Variants in ESCO2 observed in about 807,000 individuals in gnomAD.
ESCO2 encodes establishment of sister chromatid cohesion N-acetyltransferase 2.
Under a neutral mutation model 61.7 loss-of-function variants are expected in ESCO2, and 51 were observed. The ratio of observed to expected loss-of-function variants is 0.83; its 90% CI spans 0.66 to 1.04. ESCO2 has a LOEUF of 1.04. ESCO2 is among the 50% of genes least tolerant of loss of function. The probability of loss-of-function intolerance (pLI) is 0.00; values close to 1 mark genes in which losing one functional copy is unlikely to be tolerated. For synonymous variants in ESCO2, 230 were observed against 238.2 expected (o/e 0.97, Z 0.32); for missense variants, 692 against 686.2 (o/e 1.01, Z -0.09).
intron 5 of ESCO2, among the ~76,000 whole-genome samples, chr8:27,784,584 G>A (rs1318437418): frequency 6.6e-6 from 1 of 152,148 alleles, no homozygotes; most frequent in African/African-American, 2.4e-5. Flanking sequence ...CCATGTTGTA[G>A]ATGAGAAAGC....
At position 27,799,698 on chromosome 8, in the gene ESCO2, G is replaced by T. The variant is rs538075513; in HGVS notation, c.1655G>T (p.Arg552Leu). Residue 552 changes from arginine (R) to leucine (L), a missense_variant, in exon 10 of 11, where the codon CGA (arginine) becomes CTA (leucine). Arg to Leu is a moderately radical substitution (Grantham distance 102). Transcript: ENST00000305188. ...RLKRRKRIARRLVDTLRNCFM... is the reference protein window; with the variant it reads ...RLKRRKRIARLLVDTLRNCFM... ...AAGAGAAGAAAGCGCATTGCAAGACGACTGGTTGATACCCTCAGGTAAGAA... is the reference window on the plus strand; with the variant it reads ...AAGAGAAGAAAGCGCATTGCAAGACTACTGGTTGATACCCTCAGGTAAGAA... 1 of 1,613,640 alleles carries T rather than the reference G, an allele frequency of 6.2e-7. No individual in the cohort carries two copies. The highest frequency in any genetic ancestry group is 8.5e-7 in the Non-Finnish European group (1 of 1,179,996).
chr8:27,788,923 A>T lies in ESCO2; in HGVS notation c.1208A>T (p.Asp403Val), dbSNP rs373708669. Reference protein sequence around the residue: ...GMIYTASNPEDEMQHVQHHHR... With the variant: ...GMIYTASNPEVEMQHVQHHHR... ...ATATATACTGCTTCCAACCCTGAAGATGAAATGCAGCATGTACAGCATCAC... is the reference window on the plus strand; with the variant it reads ...ATATATACTGCTTCCAACCCTGAAGTTGAAATGCAGCATGTACAGCATCAC... The change falls in exon 7 of 11, where the codon GAT becomes GTT. Residue 403 changes from aspartate to valine, a missense_variant. Transcript: ENST00000305188. 1.9e-6 allele frequency: 3 copies of T among 1,613,996 alleles called. No individual in the cohort carries two copies. The highest frequency in any genetic ancestry group is 2.5e-6 in the Non-Finnish European group (3 of 1,180,000).
At chr8:27,795,873 C>T (rs1455517702) in intron 9 of ESCO2, among the ~76,000 whole-genome samples, 1 of 152,154 alleles carries the variant, frequency 6.6e-6, no homozygotes, top group Non-Finnish European at 1.5e-5. Context: ...TTTTAATGTG[C>T]TAGTTTGCAT....
intron 3 of ESCO2, chr8:27,779,802 C>T: frequency 4.6e-6 from 1 of 215,856 alleles, no homozygotes; most frequent in South Asian, 6.9e-5. Context: ...TCCCGAGTAG[C>T]TGGGACTGCA....
In ESCO2 at chr8:27,804,820, A is replaced by G; in HGVS notation, c.*1382A>G. On this transcript the variant is annotated 3_prime_UTR_variant, in exon 11 of 11. Transcript: ENST00000305188. ...TATTTTCTGCACTTATTTCTTTTAA[A>G]TATTTTATTTAAAATTTTTAATTAA... 1 of 932,548 alleles carries G rather than the reference A, an allele frequency of 1.1e-6. No individual in the cohort carries two copies. Among genetic ancestry groups the G allele is most frequent in the South Asian group, 4.9e-5 (1 of 20,214 alleles). The allele number at this position is 932,548 out of a possible 1,614,324, so 57.8% of individuals were successfully genotyped here.
intron 10 of ESCO2, among the ~76,000 whole-genome samples, chr8:27,802,040 A>G (rs1041223892): frequency 8.6e-6 from 1 of 116,614 alleles, no homozygotes; most frequent in Non-Finnish European, 1.6e-5. Flanking sequence ...TTTAATCTTC[A>G]TCTTCCCTAA....
In ESCO2 at chr8:27,803,606, A is replaced by G; in HGVS notation, c.*168A>G. ...TCACAGTTTTGTTCCTTATGAGTTGAAAAGTCAGGAATAAATTTGTTGAAA... is the reference window on the plus strand; with the variant it reads ...TCACAGTTTTGTTCCTTATGAGTTGGAAAGTCAGGAATAAATTTGTTGAAA... On this transcript the variant is annotated 3_prime_UTR_variant, in exon 11 of 11. Transcript: ENST00000305188. The G allele has an allele frequency of 7.2e-7, 1 of 1,386,328 alleles. No homozygotes were observed. 85.9% of individuals were successfully genotyped at this position (1,386,328 alleles called of 1,614,324 possible).
downstream of ESCO2, among the ~76,000 whole-genome samples, chr8:27,814,452 T>C (rs1178484216): frequency 1.3e-5 from 2 of 152,112 alleles, no homozygotes; most frequent in East Asian, 3.8e-4. Context: ...TTTATATATT[T>C]CATTATCTTT....
chr8:27,800,508 A>G (rs961775657), intron 10 of ESCO2, among the ~76,000 whole-genome samples: 5 of 152,184 alleles, frequency 3.3e-5, no homozygotes, highest in Admixed American at 2.0e-4. Context: ...ACCCTTGTAC[A>G]TTGCTGGTAG....
At chr8:27,813,237 A>G (rs953696954), downstream of ESCO2, among the ~76,000 whole-genome samples, 1 of 152,108 alleles carries the variant, frequency 6.6e-6, no homozygotes, top group African/African-American at 2.4e-5. Flanking sequence ...CAAACACCAC[A>G]TGTCCTGACT....
chr8:27,803,441 C>T lies in ESCO2; in HGVS notation c.*3C>T. Reference sequence around the variant, plus strand: ...TCGTATATAATTTTAATAGTTAAAGCTGATTTCAGTTATAAAGGAGTTACT... The same window carrying T: ...TCGTATATAATTTTAATAGTTAAAGTTGATTTCAGTTATAAAGGAGTTACT... On this transcript the variant is annotated 3_prime_UTR_variant, in exon 11 of 11. Coordinates refer to ENST00000305188, the MANE Select transcript of ESCO2 (RefSeq NM_001017420.3). 6.2e-7 allele frequency: 1 copy of T among 1,612,636 alleles called. No individual in the cohort carries two copies. The highest frequency in any genetic ancestry group is 8.5e-7 in the Non-Finnish European group (1 of 1,178,922).
intron 9 of ESCO2, among the ~76,000 whole-genome samples, chr8:27,797,975 G>A (rs1805339176): frequency 6.6e-6 from 1 of 152,112 alleles, no homozygotes; most frequent in African/African-American, 2.4e-5. Context: ...TCTACTCTCA[G>A]GTCAGAAACA....
At chr8:27,793,133 A>G (rs1805215199) in intron 9 of ESCO2, among the ~76,000 whole-genome samples, 1 of 152,214 alleles carries the variant, frequency 6.6e-6, no homozygotes, top group South Asian at 2.1e-4. Flanking sequence ...ATTTTTGGCA[A>G]AATAGTCATT....
intron 7 of ESCO2, among the ~76,000 whole-genome samples, chr8:27,791,434 T>C (rs1016943543): frequency 2.6e-5 from 4 of 152,172 alleles, no homozygotes; most frequent in Admixed American, 2.6e-4. Flanking sequence ...TTAAACCCTT[T>C]TCAGTACCAT....
chr8:27,801,570 T>A (rs931605802), intron 10 of ESCO2, among the ~76,000 whole-genome samples: 13 of 152,332 alleles, frequency 8.5e-5, no homozygotes, highest in Non-Finnish European at 1.5e-4. Flanking sequence ...AATACCAGTA[T>A]CTAACCTAGT....
upstream of ESCO2, chr8:27,774,387 G>T (rs1414411124): frequency 2.6e-5 from 4 of 152,302 alleles, no homozygotes; most frequent in East Asian, 7.7e-4. Flanking sequence ...TTCCCTCAGA[G>T]ATTTTTCACC....
At chr8:27,818,640 ACT>A in the ESCO2 span, among the ~76,000 whole-genome samples, 3 of 151,478 alleles carry the variant, frequency 2.0e-5, no homozygotes, top group Non-Finnish European at 2.9e-5. Context: ...ATTACTAATA[ACT>A]CTTAATGCAT....
downstream of ESCO2, chr8:27,811,328 G>T (rs1277075480): frequency 8.2e-6 from 5 of 609,364 alleles, no homozygotes; most frequent in East Asian, 1.1e-4. Context: ...CAAGAAGCTG[G>T]TCAGTTGGCA....
At chr8:27,817,271 T>C (rs67837877), downstream of ESCO2, among the ~76,000 whole-genome samples, 23,904 of 152,004 alleles carry the variant, frequency 0.16, 2,390 homozygotes, top group East Asian at 0.37. Context: ...ACCTTCAGCA[T>C]AAACCCAGGG....
Sources: allele counts gnomAD v4.1 joint callset (sites outside exome capture counted in the v4.1 genomes callset), GRCh38; gene constraint gnomAD v4.1.1; transcripts MANE v1.5; gene names NCBI Gene and HGNC (gene_info 2026-07-23, HGNC 2026-07-21).